ANXA3: variants seen among roughly 807,000 people sequenced by gnomAD.
The protein encoded by ANXA3 is 35-alpha calcimedin.
In ANXA3, 46 loss-of-function variants were observed where a neutral mutation model predicts 48.8. That is an observed-to-expected ratio of 0.94 (90% CI 0.74 to 1.21). ANXA3 has a LOEUF of 1.21. Among genes scored for constraint, ANXA3 ranks in the 50% most tolerant of loss-of-function variants. The probability of loss-of-function intolerance (pLI) is 0.00; values close to 1 mark genes in which losing one functional copy is unlikely to be tolerated. For missense variants in ANXA3, 383 were observed against 378.6 expected (o/e 1.01, Z -0.10); for synonymous variants, 128 against 134.7 (o/e 0.95, Z 0.35).
chr4:78,566,607 A>T (rs1722736559), intron 2 of ANXA3, among the ~76,000 whole-genome samples: 2 of 151,626 alleles, frequency 1.3e-5, no homozygotes, highest in South Asian at 2.1e-4. Context: ...GTGGGAGCTA[A>T]ACAATGGGTA....
intron 7 of ANXA3, 105 bp from the exon 8 acceptor site, chr4:78,595,276 T>C: frequency 1.6e-6 from 2 of 1,226,496 alleles, no homozygotes; most frequent in South Asian, 2.4e-5. Flanking sequence ...GTGCAACCTG[T>C]CCTGCCTTAA....
At chr4:78,601,831 A>C in intron 11 of ANXA3, 2 of 325,076 alleles carry the variant, frequency 6.2e-6, no homozygotes, top group Non-Finnish European at 1.1e-5. Flanking sequence ...TAACTAAAAC[A>C]TTCTCATTTT....
chr4:78,595,851 A>G lies in ANXA3; in HGVS notation c.598A>G (p.Ile200Val), dbSNP rs1723414131. The G allele has an allele frequency of 1.9e-6, 3 of 1,612,410 alleles. No homozygotes were observed. In the South Asian group the frequency reaches 3.3e-5, roughly 18 times the overall value. The change falls in exon 9 of 13, where the codon ATC becomes GTC. Residue 200 changes from isoleucine (I) to valine (V), a missense_variant. Physicochemically the swap from Ile to Val is conservative, Grantham distance 29. Coordinates refer to ENST00000264908, the MANE Select transcript of ANXA3 (RefSeq NM_005139.3). ...WGTDEDKFTE[I>V]LCLRSFPQLK... Reference sequence around the variant, plus strand: ...CACGGATGAAGACAAATTCACTGAGATCCTGTGTTTAAGGAGCTTTCCTCA... The same window carrying G: ...CACGGATGAAGACAAATTCACTGAGGTCCTGTGTTTAAGGAGCTTTCCTCA...
rs45567932 is a variant in ANXA3, at chr4:78,554,449, C to T, written c.-25C>T. On this transcript the variant is annotated 5_prime_UTR_variant, in exon 2 of 13. Coordinates refer to ENST00000264908, the MANE Select transcript of ANXA3 (RefSeq NM_005139.3). ...TTCTTTTAATAGATTAGTGTGATCT[C>T]AGCTCAAGGCAAAGGTGGGATATCA... 12,441 of 1,609,580 alleles carry T rather than the reference C, an allele frequency of 7.7e-3. 189 individuals carry two copies. The highest frequency in any genetic ancestry group is 6.7e-3 in the Non-Finnish European group (7,931 of 1,176,614).
chr4:78,590,521 C>T (rs1723267765), intron 6 of ANXA3, among the ~76,000 whole-genome samples: 1 of 152,100 alleles, frequency 6.6e-6, no homozygotes, highest in African/African-American at 2.4e-5. Context: ...ATGGTGCAGA[C>T]AGTTCAGATA....
In ANXA3 at chr4:78,591,565, A is replaced by G. The variant is rs1169798073; in HGVS notation, c.425A>G (p.Asp142Gly). 6.2e-7 allele frequency: 1 copy of G among 1,613,318 alleles called. No individual in the cohort carries two copies. The highest frequency in any genetic ancestry group is 8.5e-7 in the Non-Finnish European group (1 of 1,179,370). Residue 142 changes from aspartate to glycine, a missense_variant, in exon 7 of 13, where the codon GAT becomes GGT. Coordinates refer to ENST00000264908, the MANE Select transcript of ANXA3 (RefSeq NM_005139.3). ...TCAGTATACAAGAAGAGTCTTGGAG[A>G]TGACATTAGTTCCGAAACATCTGGT... is the stretch of plus-strand genomic sequence containing the variant. The part of the protein sequence containing the change: ...YYTVYKKSLG[D>G]DISSETSGDF...
rs116248672 is a variant in ANXA3, at chr4:78,608,609, G to C, written c.913-1447G>C. Among the ~76,000 whole-genome samples the C allele has an allele frequency of 9.0e-3, 1,369 of 152,146 alleles. 22 individuals carry two copies. Among genetic ancestry groups the C allele is most frequent in the African/African-American group, 0.031 (1,303 of 41,512 alleles). ...TTAGGAGTTGAAACTTAAGGGACTT[G>C]GTATAATATCTTGGTGTGAGGAAAG... On this transcript the variant is annotated intron_variant, in intron 12 of 12. Transcript: ENST00000264908.
At chr4:78,569,493 C>T (rs952847454) in intron 2 of ANXA3, among the ~76,000 whole-genome samples, 3 of 152,202 alleles carry the variant, frequency 2.0e-5, no homozygotes, top group African/African-American at 4.8e-5. Context: ...AATTCTTCAT[C>T]TTCCACACCC....
intron 9 of ANXA3, 68 bp from the exon 10 acceptor site, chr4:78,597,251 A>G (rs1723440046): frequency 2.9e-6 from 3 of 1,049,240 alleles, no homozygotes; most frequent in Non-Finnish European, 4.3e-6. Flanking sequence ...TATCAAATAA[A>G]AAACTAGAAT....
chr4:78,600,264 A>G (rs913073846), intron 10 of ANXA3, among the ~76,000 whole-genome samples: 3 of 152,178 alleles, frequency 2.0e-5, no homozygotes, highest in South Asian at 4.1e-4. Flanking sequence ...TTCCCTGCCT[A>G]TGGTGCTGGG....
chr4:78,601,712 G>T, intron 11 of ANXA3, 144 bp downstream of exon 11: 1 of 680,640 alleles, frequency 1.5e-6, no homozygotes, highest in South Asian at 2.1e-5. Context: ...GCAAATCAAG[G>T]TATGATACAA....
rs998963806 is a variant in ANXA3, at chr4:78,586,349, A to C, written c.402A>C (p.Thr134=). 1.2e-6 allele frequency: 2 copies of C among 1,608,938 alleles called. No homozygotes were observed. Among genetic ancestry groups the C allele is most frequent in the African/African-American group, 1.3e-5 (1 of 74,876 alleles). The stretch of plus-strand genomic sequence containing the variant: ...AGGATATCTCTCAAGCCTATTATAC[A>C]GGTGTCTTATTTTCTGCTTACCTTC... The part of the protein sequence containing the change: ...QMKDISQAYY[T]VYKKSLGDDI... Residue 134 remains threonine, a splice_region_variant and synonymous_variant, in exon 6 of 13, where the codon ACA becomes ACC. Coordinates refer to ENST00000264908, the MANE Select transcript of ANXA3 (RefSeq NM_005139.3).
At chr4:78,593,803 ATTTTTTTTTTT>A (rs60515646) in intron 7 of ANXA3, among the ~76,000 whole-genome samples, 1 of 88,742 alleles carries the variant, frequency 1.1e-5, no homozygotes, top group African/African-American at 3.7e-5. Flanking sequence ...CATTCAGCTA[ATTTTTTTTTTT>A]TTTTTTTTTT....
At chr4:78,575,227 G>C (rs1456854455) in intron 3 of ANXA3, among the ~76,000 whole-genome samples, 1 of 151,536 alleles carries the variant, frequency 6.6e-6, no homozygotes, top group East Asian at 1.9e-4. Flanking sequence ...TTTATGATTG[G>C]CAAGAGTTTT....
chr4:78,580,496 G>A (rs930730589), intron 4 of ANXA3, among the ~76,000 whole-genome samples: 8 of 152,184 alleles, frequency 5.3e-5, no homozygotes, highest in African/African-American at 1.4e-4. Context: ...GGGCTACAGG[G>A]AACCACTGGA....
chr4:78,601,714 A>G, intron 11 of ANXA3, 146 bp downstream of exon 11: 1 of 664,020 alleles, frequency 1.5e-6, no homozygotes, highest in Non-Finnish European at 2.6e-6. Context: ...AAATCAAGGT[A>G]TGATACAATA....
chr4:78,572,137 T>C (rs1008785806), intron 2 of ANXA3, among the ~76,000 whole-genome samples: 2 of 152,380 alleles, frequency 1.3e-5, no homozygotes, highest in Admixed American at 6.5e-5. Context: ...TTCAGCTTTC[T>C]TGTTGCTCTC....
Position 78,586,214 on chromosome 4 carries a change from A to C in ANXA3, c.313-46A>C, listed in dbSNP as rs1220221982. ...TAATAAGACCAAAAGGCATGAGATT[A>C]AGTTATTTAAGTGTTCTAAAAATTA... On this transcript the variant is annotated intron_variant, in intron 5 of 12. Coordinates refer to ENST00000264908, the MANE Select transcript of ANXA3 (RefSeq NM_005139.3). 3 of 1,468,768 alleles carry C rather than the reference A, an allele frequency of 2.0e-6. No individual in the cohort carries two copies. In the African/African-American group the frequency reaches 4.2e-5, roughly 21 times the overall value. The allele number at this position is 1,468,768 out of a possible 1,614,324, so 91.0% of individuals were successfully genotyped here. A position where few individuals can be genotyped will look rare whatever the true frequency, so the allele number is the denominator to read the frequency against.
chr4:78,556,579 G>A (rs2109923057), intron 2 of ANXA3, among the ~76,000 whole-genome samples: 1 of 152,148 alleles, frequency 6.6e-6, no homozygotes, highest in East Asian at 1.9e-4. Flanking sequence ...CCTGTGCAGA[G>A]ATGTGACCAT....
Sources: allele counts gnomAD v4.1 joint callset (sites outside exome capture counted in the v4.1 genomes callset), GRCh38; gene constraint gnomAD v4.1.1; transcripts MANE v1.5; gene names NCBI Gene and HGNC (gene_info 2026-07-23, HGNC 2026-07-21).